Variants in APC observed in about 807,000 individuals in gnomAD.
APC encodes the protein adenomatous polyposis coli protein.
In APC, 72 loss-of-function variants were observed where a neutral mutation model predicts 247.0. That is an observed-to-expected ratio of 0.29 (90% CI 0.24 to 0.35). APC has a LOEUF of 0.35. Ranked by LOEUF, APC falls within the 10% of genes least tolerant of loss-of-function variation. APC has a pLI of 1.00. For synonymous variants in APC, 1,254 were observed against 1,162.5 expected, an observed-to-expected ratio of 1.08 and a Z score of -1.60; for missense variants, 3,400 against 3,360.7, an observed-to-expected ratio of 1.01 and a Z score of -0.29.
chr5:112,834,588 T>A lies in APC; in HGVS notation c.1744-363T>A, dbSNP rs77504726. The stretch of plus-strand genomic sequence containing the variant: ...CTTCCTGTTCACTTTTTTTTTTCTT[T>A]TTTCAAGCAACCCCAGCCTGAGAAT... On this transcript the variant is annotated intron_variant, in intron 14 of 15. Transcript: ENST00000257430. Among the ~76,000 whole-genome samples, 1,318 of 152,248 alleles carry A rather than the reference T, an allele frequency of 8.7e-3. 62 individuals carry two copies. The East Asian group carries it at 0.15, about 17-fold the overall frequency.
intron 8 of APC, among the ~76,000 whole-genome samples, chr5:112,814,090 C>T (rs1054195706): frequency 6.6e-6 from 1 of 152,224 alleles, no homozygotes; most frequent in African/African-American, 2.4e-5. Context: ...AAGAATGCAG[C>T]AGCGAACAGA....
chr5:112,730,482 A>T (rs1295012667), intron 1 of APC, among the ~76,000 whole-genome samples: 1 of 152,200 alleles, frequency 6.6e-6, no homozygotes, highest in Non-Finnish European at 1.5e-5. Context: ...TTTGAGCCTC[A>T]ATTTTCCATG....
intron 14 of APC, among the ~76,000 whole-genome samples, chr5:112,833,401 T>G (rs1165142222): frequency 6.6e-6 from 1 of 152,124 alleles, no homozygotes; most frequent in Non-Finnish European, 1.5e-5. Context: ...CAGGATGGTC[T>G]CGATCTCCTG....
At position 112,771,533 on chromosome 5, in the gene APC, T is replaced by C. The variant is rs77219782; in HGVS notation, c.423-4096T>C. 4.4e-3 allele frequency among the ~76,000 whole-genome samples: 670 copies of C among 152,306 alleles called. 7 individuals carry two copies. Among genetic ancestry groups the C allele is most frequent in the African/African-American group, 0.016 (647 of 41,574 alleles). ...TTATTTTGCTCTCACACTTGATTGA[T>C]AGTTCAGGTAGGTTTAGGTTCAAAC... On this transcript the variant is annotated intron_variant, in intron 4 of 15. Coordinates refer to ENST00000257430, the MANE Select transcript of APC (RefSeq NM_000038.6).
chr5:112,819,310 T>C lies in APC; in HGVS notation c.1278T>C (p.Ala426=), dbSNP rs2149783641. ...YCETCWEWQE[A]HEPGMDQDKN... ...AAACCTGTTGGGAGTGGCAGGAAGCTCATGAACCAGGCATGGACCAGGACA... is the reference window on the plus strand; with the variant it reads ...AAACCTGTTGGGAGTGGCAGGAAGCCCATGAACCAGGCATGGACCAGGACA... Residue 426 remains alanine, a synonymous_variant, in exon 10 of 16, where the codon GCT becomes GCC. Coordinates refer to ENST00000257430, the MANE Select transcript of APC (RefSeq NM_000038.6). 1 of 1,614,012 alleles carries C rather than the reference T, an allele frequency of 6.2e-7. No individual in the cohort carries two copies. Among genetic ancestry groups the C allele is most frequent in the South Asian group, 1.1e-5 (1 of 91,086 alleles).
chr5:112,726,390 C>T (rs1232025616), intron 1 of APC, among the ~76,000 whole-genome samples: 1 of 152,188 alleles, frequency 6.6e-6, no homozygotes, highest in Admixed American at 6.5e-5. Context: ...TGGAGTTTGG[C>T]TATCCAGTAG....
intron 2 of APC, among the ~76,000 whole-genome samples, chr5:112,759,785 A>T (rs1485628608): frequency 6.6e-6 from 1 of 152,236 alleles, no homozygotes; most frequent in Admixed American, 6.5e-5. Flanking sequence ...TCTCTCCTTC[A>T]AAATTACATA....
At chr5:112,719,782 A>G (rs973864053) in intron 1 of APC, among the ~76,000 whole-genome samples, 1 of 152,094 alleles carries the variant, frequency 6.6e-6, no homozygotes, top group Admixed American at 6.6e-5. Flanking sequence ...ACCTCAGGTG[A>G]TCCTCCCACC....
intron 7 of APC, 96 bp from the exon 8 acceptor site, chr5:112,801,183 G>A: frequency 1.2e-6 from 1 of 812,528 alleles, no homozygotes; most frequent in South Asian, 1.5e-5. Context: ...TATAATTGAT[G>A]CATTCAGAGC....
rs368415218 is a variant in APC, at chr5:112,756,638, T to C, written c.135+1613T>C. ...TGTAGTGTAGAACTCTGAGATCTCT[T>C]TTTTAAAGTTTGTTTAATTCCTTAA... On this transcript the variant is annotated intron_variant, in intron 2 of 15. Transcript: ENST00000257430. Among the ~76,000 whole-genome samples the C allele has an allele frequency of 3.3e-5, 5 of 151,900 alleles. No individual in the cohort carries two copies. The East Asian group carries it at 9.7e-4, about 29-fold the overall frequency.
At chr5:112,801,477 C>T (rs1294202439) in intron 8 of APC, 94 bp downstream of exon 8, 1 of 969,230 alleles carries the variant, frequency 1.0e-6, no homozygotes. Flanking sequence ...TAAATCTTAC[C>T]TATTTTCTTA....
chr5:112,707,962 G>A (rs1217977498), intron 1 of APC: 3 of 1,269,852 alleles, frequency 2.4e-6, no homozygotes, highest in Middle Eastern at 3.2e-4. Context: ...GGGACCCTAC[G>A]GTGCTCGGCC....
At position 112,839,682 on chromosome 5, in the gene APC, A is replaced by T. The variant is rs373607243; in HGVS notation, c.4088A>T (p.Lys1363Ile). The T allele has an allele frequency of 1.4e-5, 22 of 1,614,110 alleles. 1 individual carries two copies. Among genetic ancestry groups the T allele is most frequent in the Admixed American group, 6.7e-5 (4 of 60,018 alleles). The change falls in exon 16 of 16, where the codon AAA becomes ATA. Residue 1363 changes from lysine to isoleucine, a missense_variant. By Grantham distance (102) the Lys-to-Ile change is moderately radical. This residue lies in a region of APC where 715 missense variants were observed against 656.6 expected (regional missense o/e 1.09). Transcript: ENST00000257430. The surrounding 1 kb of genome is among the most constrained non-coding windows in gnomAD (Gnocchi z 5.0). ...EFSSGAKSPS[K>I]SGAQTPKSPP... is the part of the protein sequence containing the mutation. ...TCTTCAGGAGCGAAATCTCCCTCCA[A>T]AAGTGGTGCTCAGACACCCAAAAGT...
At chr5:112,783,051 A>G (rs1056409007) in intron 6 of APC, among the ~76,000 whole-genome samples, 1 of 152,206 alleles carries the variant, frequency 6.6e-6, no homozygotes, top group Non-Finnish European at 1.5e-5. Flanking sequence ...AATATATGGG[A>G]TACTGTAGAC....
At chr5:112,785,045 C>A (rs573222959) in intron 6 of APC, among the ~76,000 whole-genome samples, 1 of 152,150 alleles carries the variant, frequency 6.6e-6, no homozygotes, top group East Asian at 1.9e-4. Context: ...ACCTGGGTGA[C>A]CGAGCAAGAC....
At chr5:112,782,140 CATG>C (rs2149647048) in intron 6 of APC, among the ~76,000 whole-genome samples, 1 of 152,292 alleles carries the variant, frequency 6.6e-6, no homozygotes, top group East Asian at 1.9e-4. Context: ...TCCTCACAAT[CATG>C]GTGGAAGGCA....
At chr5:112,784,707 G>C (rs1289569532) in intron 6 of APC, among the ~76,000 whole-genome samples, 2 of 152,102 alleles carry the variant, frequency 1.3e-5, no homozygotes. Flanking sequence ...AGGGTCTGAG[G>C]CTATGAGAAA....
At chr5:112,767,448 G>T in intron 4 of APC, 58 bp downstream of exon 4, 1 of 1,332,304 alleles carries the variant, frequency 7.5e-7, no homozygotes, top group Non-Finnish European at 1.1e-6. Context: ...TTGTTATTTT[G>T]TAATATAATA....
rs1717358972 is a variant in APC at position 112,707,574 on chromosome 5, T to G, written c.-144T>G. 1.2e-6 allele frequency: 1 copy of G among 851,298 alleles called. No individual in the cohort carries two copies. The highest frequency in any genetic ancestry group is 1.7e-6 in the Non-Finnish European group (1 of 593,740). The allele number at this position is 851,298 out of a possible 1,614,324, so 52.7% of individuals were successfully genotyped here. A position where few individuals can be genotyped will look rare whatever the true frequency, so the allele number is the denominator to read the frequency against. ...GGGCGGGGTGTGGCCGCCGGAAGCC[T>G]AGCCGCTGCTCGGGGGGGACCTGCG... On this transcript the variant is annotated 5_prime_UTR_variant, in exon 1 of 14. Coordinates refer to the APC transcript ENST00000507379.
Sources: allele counts gnomAD v4.1 joint callset (sites outside exome capture counted in the v4.1 genomes callset), GRCh38; gene constraint gnomAD v4.1.1; regional missense constraint gnomAD v4.1.1; non-coding constraint Gnocchi (gnomAD v3.1); transcripts MANE v1.5; gene names NCBI Gene and HGNC (gene_info 2026-07-23, HGNC 2026-07-21).